KRABD2: variants seen among roughly 807,000 people sequenced by gnomAD.
KRABD2 encodes KRAB domain-containing protein 2.
chr17:8,371,580 A>T, the KRABD2 span: 16 of 1,540,106 alleles, frequency 1.0e-5, no homozygotes, highest in East Asian at 3.7e-4. Context: ...TAAATGGAAG[A>T]AATAAGAAAT....
chr17:8,375,927 G>A, the KRABD2 span: 1 of 1,229,552 alleles, frequency 8.1e-7, no homozygotes, highest in Admixed American at 4.2e-5. Flanking sequence ...GGCTGTTTCC[G>A]ACTCGGAATG....
the KRABD2 span, chr17:8,369,279 T>C: frequency 1.2e-6 from 2 of 1,614,264 alleles, no homozygotes; most frequent in South Asian, 2.2e-5. Flanking sequence ...ATTTTCTAGC[T>C]GTTCTTCAGC....
the KRABD2 span, chr17:8,376,341 T>C: frequency 8.3e-7 from 1 of 1,211,488 alleles, no homozygotes. Flanking sequence ...TTTCCTCATC[T>C]ACAACCCGGG....
chr17:8,365,391 TC>T, the KRABD2 span, among the ~76,000 whole-genome samples: 2 of 152,084 alleles, frequency 1.3e-5, no homozygotes, highest in Admixed American at 1.3e-4. Flanking sequence ...AAGTTGGACC[TC>T]CCAGACCTGT....
At chr17:8,362,854 C>A in the KRABD2 span, among the ~76,000 whole-genome samples, 1 of 152,148 alleles carries the variant, frequency 6.6e-6, no homozygotes, top group East Asian at 1.9e-4. This position sits in a 1 kb window ranked among gnomAD's most constrained non-coding sequence, Gnocchi z 4.2. Flanking sequence ...CAAGAGTAAA[C>A]CATTCCAAGA....
the KRABD2 span, chr17:8,360,047 T>C: frequency 2.8e-6 from 1 of 353,132 alleles, no homozygotes; most frequent in Non-Finnish European, 5.6e-6. Context: ...ACTCATCTGC[T>C]ACGTACTCAC....
At chr17:8,376,262 T>C in the KRABD2 span, 1 of 1,229,440 alleles carries the variant, frequency 8.1e-7, no homozygotes, top group African/African-American at 1.6e-5. Flanking sequence ...TACGGCCGAG[T>C]CTACGCTTGG....
the KRABD2 span, among the ~76,000 whole-genome samples, chr17:8,362,876 C>T: frequency 6.6e-6 from 1 of 152,260 alleles, no homozygotes; most frequent in East Asian, 1.9e-4. This position sits in a 1 kb window ranked among gnomAD's most constrained non-coding sequence, Gnocchi z 4.2. Context: ...AGTGAGGTGG[C>T]ATTTTTATAA....
At chr17:8,372,159 C>T in the KRABD2 span, 18 of 780,260 alleles carry the variant, frequency 2.3e-5, no homozygotes, top group Non-Finnish European at 2.8e-5. The surrounding 1 kb of genome is among the most constrained non-coding windows in gnomAD (Gnocchi z 4.1). Flanking sequence ...CTTCCAGGTC[C>T]GGAAGGTCCT....
At chr17:8,374,728 C>T in the KRABD2 span, among the ~76,000 whole-genome samples, 1 of 148,866 alleles carries the variant, frequency 6.7e-6, no homozygotes, top group Non-Finnish European at 1.5e-5. Flanking sequence ...GGGCGGATTA[C>T]AAGGTCAGGA....
the KRABD2 span, among the ~76,000 whole-genome samples, chr17:8,359,112 A>T: frequency 3.7e-4 from 57 of 152,268 alleles, 1 homozygote; most frequent in Middle Eastern, 0.02. Context: ...CAGGGCAATT[A>T]TTTTGCTGAA....
At chr17:8,363,845 ATATATATATATATATATTTATTTATT>A in the KRABD2 span, among the ~76,000 whole-genome samples, 2 of 85,662 alleles carry the variant, frequency 2.3e-5, no homozygotes, top group East Asian at 3.1e-4. Flanking sequence ...ATATATATAT[ATATATATATATATATATTTATTTATT>A]TATTTATTTA....
chr17:8,360,624 G>A, the KRABD2 span, among the ~76,000 whole-genome samples: 21 of 152,122 alleles, frequency 1.4e-4, no homozygotes, highest in African/African-American at 4.3e-4. Flanking sequence ...TTTGCCATCC[G>A]TCAACTTTTT....
the KRABD2 span, among the ~76,000 whole-genome samples, chr17:8,374,362 A>C: frequency 3.3e-5 from 5 of 152,080 alleles, no homozygotes; most frequent in Non-Finnish European, 7.4e-5. Context: ...TGCTGTGTCC[A>C]CTCAGGGTTA....
chr17:8,376,592 G>C, the KRABD2 span: 12 of 986,082 alleles, frequency 1.2e-5, no homozygotes, highest in Admixed American at 6.1e-5. Context: ...GCTGAGGCGG[G>C]CGCGCGGTGG....
the KRABD2 span, chr17:8,368,900 G>A: frequency 3.9e-5 from 23 of 596,340 alleles, no homozygotes; most frequent in African/African-American, 4.3e-4. Context: ...GCCTACCAAA[G>A]TGCTGGGATT....
chr17:8,360,488 G>A, the KRABD2 span, among the ~76,000 whole-genome samples: 1 of 151,988 alleles, frequency 6.6e-6, no homozygotes, highest in Admixed American at 6.6e-5. Context: ...CAGAACCTGG[G>A]TAAACAAAGA....
chr17:8,363,823 TATCATAC>T, the KRABD2 span, among the ~76,000 whole-genome samples: 150 of 93,128 alleles, frequency 1.6e-3, 2 homozygotes, highest in African/African-American at 7.0e-3. Flanking sequence ...TACATATATA[TATCATAC>T]ATATATATAT....
chr17:8,363,781 GTCATACATATATA>G, the KRABD2 span, among the ~76,000 whole-genome samples: 23 of 133,850 alleles, frequency 1.7e-4, no homozygotes, highest in African/African-American at 4.8e-4. Flanking sequence ...ACATATATAT[GTCATACATATATA>G]TCATACATAT....
Sources: allele counts gnomAD v4.1 joint callset (sites outside exome capture counted in the v4.1 genomes callset), GRCh38; gene constraint gnomAD v4.1.1; non-coding constraint Gnocchi (gnomAD v3.1); transcripts MANE v1.5; gene names NCBI Gene and HGNC (gene_info 2026-07-23, HGNC 2026-07-21).